Variants in COMMD10 observed in about 807,000 individuals in gnomAD.
The protein encoded by COMMD10 is COMM domain containing 10, also known as COMM domain-containing protein 10.
In COMMD10, 33 loss-of-function variants were observed where a neutral mutation model predicts 28.9. The observed-to-expected ratio is 1.14, with a 90% CI of 0.87 to 1.53. COMMD10 has a LOEUF of 1.53. Ranked by LOEUF, COMMD10 falls within the 40% of genes most tolerant of loss-of-function variation. The probability of loss-of-function intolerance (pLI) is 0.00; values close to 1 mark genes in which losing one functional copy is unlikely to be tolerated. For missense variants in COMMD10, 310 were observed against 233.4 expected, an observed-to-expected ratio of 1.33 and a Z score of -2.14; for synonymous variants, 110 against 81.7, an observed-to-expected ratio of 1.35 and a Z score of -1.87.
In COMMD10 at chr5:116,244,248, C is replaced by G. The variant is rs531798320; in HGVS notation, c.511-47269C>G. 5.3e-5 allele frequency among the ~76,000 whole-genome samples: 8 copies of G among 152,072 alleles called. No homozygotes were observed. The East Asian group carries it at 1.5e-3, about 29-fold the overall frequency. On this transcript the variant is annotated intron_variant, in intron 5 of 6. Transcript: ENST00000274458. The stretch of plus-strand genomic sequence containing the variant: ...TTTTAAAACAACTTGTCTACATCAC[C>G]AGGTATCAGTAATTGATTCCCACTG...
rs1239337868 is a variant in COMMD10, at chr5:116,278,935, A to T, written c.511-12582A>T. On this transcript the variant is annotated intron_variant, in intron 5 of 6. Coordinates refer to ENST00000274458, the MANE Select transcript of COMMD10 (RefSeq NM_016144.4). ...CTACAATATAATTAGAAAATATTGA[A>T]ATCATTTAGACAAAATCCACTTATT... 2.0e-5 allele frequency among the ~76,000 whole-genome samples: 3 copies of T among 151,966 alleles called. No homozygotes were observed. The East Asian group carries it at 5.8e-4, about 29-fold the overall frequency.
At chr5:116,104,664 G>C (rs1480123688) in intron 4 of COMMD10, among the ~76,000 whole-genome samples, 1 of 151,136 alleles carries the variant, frequency 6.6e-6, no homozygotes, top group Non-Finnish European at 1.5e-5. Context: ...CTGTCACCCA[G>C]GCTGGAGTGC....
At chr5:116,152,227 T>G (rs1752552056) in intron 5 of COMMD10, among the ~76,000 whole-genome samples, 1 of 152,180 alleles carries the variant, frequency 6.6e-6, no homozygotes, top group Admixed American at 6.5e-5. Context: ...AGAGACAGTT[T>G]GTTATAATTT....
At position 116,215,853 on chromosome 5, in the gene COMMD10, T is replaced by TA. The variant is rs1261970971; in HGVS notation, c.511-75655dup. On this transcript the variant is annotated intron_variant, in intron 5 of 6. Transcript: ENST00000274458. ...TTGTAATCAATGTGGAGTCTTCTTT[T>TA]AAAAAAAAATTAACATTGCTGTTGT... Among the ~76,000 whole-genome samples, 139 of 150,968 alleles carry TA rather than the reference T, an allele frequency of 9.2e-4. 1 individual carries two copies. In the East Asian group the frequency reaches 9.7e-3, roughly 11 times the overall value.
intron 5 of COMMD10, among the ~76,000 whole-genome samples, chr5:116,227,434 G>A (rs1416619346): frequency 2.0e-5 from 3 of 151,860 alleles, no homozygotes; most frequent in African/African-American, 7.2e-5. Flanking sequence ...CAAGATCTTT[G>A]AAATCCCATT....
chr5:116,100,921 G>A (rs1031167870), intron 4 of COMMD10, among the ~76,000 whole-genome samples: 1 of 152,010 alleles, frequency 6.6e-6, no homozygotes. Flanking sequence ...AGTCTCCATT[G>A]TCTGTCATTC....
intron 4 of COMMD10, among the ~76,000 whole-genome samples, chr5:116,102,038 T>A (rs1750682385): frequency 6.6e-6 from 1 of 152,210 alleles, no homozygotes; most frequent in Admixed American, 6.5e-5. Context: ...ATTATTTCTT[T>A]TCCTGGGCAA....
intron 5 of COMMD10, among the ~76,000 whole-genome samples, chr5:116,205,720 T>A (rs1748794283): frequency 6.6e-6 from 1 of 152,102 alleles, no homozygotes; most frequent in Non-Finnish European, 1.5e-5. Context: ...AATTAAAAAA[T>A]GAGGTCAAGA....
chr5:116,163,566 G>A (rs1401539014), intron 5 of COMMD10, among the ~76,000 whole-genome samples: 3 of 151,928 alleles, frequency 2.0e-5, no homozygotes, highest in Middle Eastern at 3.4e-3. Context: ...TCCAGCCTGG[G>A]CAACAATAGC....
intron 5 of COMMD10, among the ~76,000 whole-genome samples, chr5:116,275,472 T>C (rs1750881521): frequency 6.6e-6 from 1 of 151,748 alleles, no homozygotes; most frequent in Admixed American, 6.6e-5. Context: ...ACTTTGCCTG[T>C]TAGGGCAAAG....
chr5:116,239,009 C>T (rs981281215), intron 5 of COMMD10, among the ~76,000 whole-genome samples: 8 of 151,586 alleles, frequency 5.3e-5, no homozygotes, highest in African/African-American at 1.9e-4. Flanking sequence ...GCTGCATCAA[C>T]AAGTTGATTT....
At chr5:116,280,014 A>G (rs1751030932) in intron 5 of COMMD10, among the ~76,000 whole-genome samples, 1 of 151,866 alleles carries the variant, frequency 6.6e-6, no homozygotes, top group African/African-American at 2.4e-5. Flanking sequence ...TGCTATAGCG[A>G]TCTGAAGTTA....
At chr5:116,270,987 A>C (rs1750738425) in intron 5 of COMMD10, among the ~76,000 whole-genome samples, 2 of 151,820 alleles carry the variant, frequency 1.3e-5, no homozygotes, top group South Asian at 4.1e-4. Flanking sequence ...CACACCATTT[A>C]ACAATCTCAG....
intron 5 of COMMD10, among the ~76,000 whole-genome samples, chr5:116,171,460 C>G (rs181404892): frequency 2.6e-5 from 4 of 152,146 alleles, no homozygotes; most frequent in Non-Finnish European, 5.9e-5. Context: ...CCATTTGATA[C>G]AGCAATCCCC....
chr5:116,230,429 C>T (rs1298232444), intron 5 of COMMD10, among the ~76,000 whole-genome samples: 1 of 152,018 alleles, frequency 6.6e-6, no homozygotes, highest in Non-Finnish European at 1.5e-5. Flanking sequence ...TTTCTATGCA[C>T]TAGACTGGCT....
chr5:116,270,665 G>A (rs997067421), intron 5 of COMMD10, among the ~76,000 whole-genome samples: 1 of 151,658 alleles, frequency 6.6e-6, no homozygotes, highest in Admixed American at 6.6e-5. Flanking sequence ...GGACGGACAC[G>A]GTGGCTCACA....
At chr5:116,234,647 A>T (rs943927906) in intron 5 of COMMD10, among the ~76,000 whole-genome samples, 2 of 152,222 alleles carry the variant, frequency 1.3e-5, no homozygotes, top group Non-Finnish European at 2.9e-5. Flanking sequence ...GCATTTAAAT[A>T]AGGTGATTTG....
rs905323224 is a variant in COMMD10, at chr5:116,209,181, A to T, written c.510+75003A>T. ...ATGCTGTACTTTGACTAATTTAATA[A>T]TTTTTTCTTATAATTCCATGTGGAA... On this transcript the variant is annotated intron_variant, in intron 5 of 6. Transcript: ENST00000274458. Among the ~76,000 whole-genome samples the T allele has an allele frequency of 2.6e-5, 4 of 151,552 alleles. 1 individual carries two copies. The highest frequency in any genetic ancestry group is 4.4e-5 in the Non-Finnish European group (3 of 67,880).
intron 5 of COMMD10, among the ~76,000 whole-genome samples, chr5:116,222,754 C>G (rs1004449344): frequency 3.3e-5 from 5 of 152,098 alleles, no homozygotes; most frequent in African/African-American, 1.2e-4. Context: ...TGCAGTGGTG[C>G]CATCTCGGCT....
Sources: gnomAD v4.1 joint callset for allele counts (sites outside exome capture counted in the v4.1 genomes callset) on GRCh38, gnomAD v4.1.1 for gene constraint, MANE v1.5 for transcripts, NCBI Gene and HGNC (gene_info 2026-07-23, HGNC 2026-07-21) for gene names.